Variants in NEMP2 observed in about 807,000 individuals in gnomAD.
NEMP2 encodes the protein UPF0571 transmembrane protein.
Under a neutral mutation model 54.2 loss-of-function variants are expected in NEMP2, and 53 were observed. The observed-to-expected ratio is 0.98, with a 90% confidence interval of 0.78 to 1.23. The LOEUF (loss-of-function observed/expected upper bound fraction) is 1.23. NEMP2 is among the 50% of genes most tolerant of loss of function. NEMP2 has a pLI of 0.00. For synonymous variants in NEMP2, 197 were observed against 190.3 expected, an observed-to-expected ratio of 1.04 and a Z score of -0.29; for missense variants, 455 against 511.3, an observed-to-expected ratio of 0.89 and a Z score of 1.06.
At chr2:190,534,918 CGGCCTCGGCCTT>C (rs940895232), upstream of NEMP2, 12 of 331,612 alleles carry the variant, frequency 3.6e-5, no homozygotes, top group East Asian at 2.7e-4. Context: ...GCCTCGGCCT[CGGCCTCGGCCTT>C]GGCCTCCGGG....
chr2:190,500,150 C>T, downstream of NEMP2: 1 of 1,614,160 alleles, frequency 6.2e-7, no homozygotes, highest in Non-Finnish European at 8.5e-7. This position sits in a 1 kb window ranked among gnomAD's most constrained non-coding sequence, Gnocchi z 5.3. Context: ...CCCCGCTCAC[C>T]CCAGTGTGGA....
the NEMP2 span, among the ~76,000 whole-genome samples, chr2:190,597,242 GA>G: frequency 7.2e-6 from 1 of 139,478 alleles, no homozygotes; most frequent in African/African-American, 2.6e-5. The surrounding 1 kb of genome is among the most constrained non-coding windows in gnomAD (Gnocchi z 4.7). Context: ...GCCAGCCTGG[GA>G]AACAGCAAGA....
the NEMP2 span, among the ~76,000 whole-genome samples, chr2:190,490,419 C>T: frequency 6.6e-6 from 1 of 151,876 alleles, no homozygotes; most frequent in Non-Finnish European, 1.5e-5. The surrounding 1 kb of genome is among the most constrained non-coding windows in gnomAD (Gnocchi z 4.5). Flanking sequence ...AAAAATTAGC[C>T]GGGCACGGTG....
the NEMP2 span, among the ~76,000 whole-genome samples, chr2:190,550,408 C>T: frequency 1.3e-5 from 2 of 152,064 alleles, no homozygotes; most frequent in Non-Finnish European, 2.9e-5. The surrounding 1 kb of genome is among the most constrained non-coding windows in gnomAD (Gnocchi z 4.7). Flanking sequence ...CCTAATCCCC[C>T]GACAAGGCCC....
At chr2:190,431,486 C>G in the NEMP2 span, among the ~76,000 whole-genome samples, 1 of 152,212 alleles carries the variant, frequency 6.6e-6, no homozygotes, top group Non-Finnish European at 1.5e-5. This position sits in a 1 kb window ranked among gnomAD's most constrained non-coding sequence, Gnocchi z 4.4. Context: ...GCGGATCACT[C>G]GCGATTAGGA....
chr2:190,480,307 G>C, the NEMP2 span, among the ~76,000 whole-genome samples: 1 of 152,342 alleles, frequency 6.6e-6, no homozygotes. Flanking sequence ...TCTCCAAAGA[G>C]ATGTACATAT....
At chr2:190,444,062 A>G in the NEMP2 span, among the ~76,000 whole-genome samples, 1 of 152,222 alleles carries the variant, frequency 6.6e-6, no homozygotes, top group Non-Finnish European at 1.5e-5. Context: ...TTCAAAAAAG[A>G]AAAGGAGAAA....
downstream of NEMP2, among the ~76,000 whole-genome samples, chr2:190,499,475 G>A (rs1689909230): frequency 6.6e-6 from 1 of 152,192 alleles, no homozygotes; most frequent in Non-Finnish European, 1.5e-5. This position sits in a 1 kb window ranked among gnomAD's most constrained non-coding sequence, Gnocchi z 6.0. Context: ...TCTTTATGTG[G>A]ATGTTCTGTC....
Position 190,534,561 on chromosome 2 carries a change from G to T in NEMP2, c.95C>A (p.Ser32Ter). 7.1e-7 allele frequency: 1 copy of T among 1,402,410 alleles called. No homozygotes were observed. Among genetic ancestry groups the T allele is most frequent in the Admixed American group, 3.2e-5 (1 of 31,478 alleles). 86.9% of individuals were successfully genotyped at this position (1,402,410 alleles called of 1,614,324 possible). Residue 32 changes from serine to a stop codon, truncating the protein, a stop_gained and splice_region_variant, in exon 1 of 9, where the codon TCA becomes TAA. Transcript: ENST00000409150. LOFTEE classifies it high-confidence loss of function. ...VRGEAAAAAL[S>*]VRRCKALKEK... ...CGCCGCCGCCGGTCCCGGGTTACCT[G>T]ATAACGCTGCCGCCGCCGCCTCCCC...
At chr2:190,566,718 GAA>G in the NEMP2 span, among the ~76,000 whole-genome samples, 1 of 82,652 alleles carries the variant, frequency 1.2e-5, no homozygotes, top group South Asian at 4.8e-4. Context: ...GGGAAGAAAA[GAA>G]AGAAAGAAGG....
chr2:190,478,783 C>T, the NEMP2 span, among the ~76,000 whole-genome samples: 4 of 152,032 alleles, frequency 2.6e-5, no homozygotes, highest in Admixed American at 6.6e-5. Flanking sequence ...TCTGAAAAAT[C>T]AGCACTTCCG....
the NEMP2 span, among the ~76,000 whole-genome samples, chr2:190,581,981 C>T: frequency 8.5e-5 from 13 of 152,234 alleles, no homozygotes; most frequent in South Asian, 1.5e-3. Context: ...GCTGGTAGTG[C>T]GGCATTTACC....
chr2:190,504,093 C>A (rs139425275), downstream of NEMP2, among the ~76,000 whole-genome samples: 6 of 152,110 alleles, frequency 3.9e-5, no homozygotes, highest in African/African-American at 1.4e-4. This position sits in a 1 kb window ranked among gnomAD's most constrained non-coding sequence, Gnocchi z 5.6. Flanking sequence ...TAGGAGTGTG[C>A]GCCCTGGAGT....
chr2:190,547,998 C>A, the NEMP2 span, among the ~76,000 whole-genome samples: 1 of 152,212 alleles, frequency 6.6e-6, no homozygotes, highest in East Asian at 1.9e-4. This position sits in a 1 kb window ranked among gnomAD's most constrained non-coding sequence, Gnocchi z 6.2. Flanking sequence ...CCAGATGGTC[C>A]AGTGTGAGAA....
chr2:190,618,554 C>A, the NEMP2 span, among the ~76,000 whole-genome samples: 3 of 152,276 alleles, frequency 2.0e-5, no homozygotes, highest in African/African-American at 7.2e-5. Flanking sequence ...TATCTTTGGA[C>A]AAAGGAGATA....
At position 190,509,254 on chromosome 2, in the gene NEMP2, C is replaced by T; in HGVS notation, c.1189G>A (p.Glu397Lys). The T allele has an allele frequency of 6.4e-7, 1 of 1,551,756 alleles. No homozygotes were observed. The highest frequency in any genetic ancestry group is 8.7e-7 in the Non-Finnish European group (1 of 1,147,010). Residue 397 changes from glutamate (E) to lysine (K), a missense_variant, in exon 9 of 9, where the codon GAA (glutamate) becomes AAA (lysine). Physicochemically the swap from Glu to Lys is moderately conservative, Grantham distance 56. Coordinates refer to ENST00000409150, the MANE Select transcript of NEMP2 (RefSeq NM_001142645.2). The surrounding 1 kb of genome is among the most constrained non-coding windows in gnomAD (Gnocchi z 6.1). ...GCACCCCCAAGGCCATACTGCTCTT[C>T]ATGCAGACTGATTTCTTCAGGTGAC... ...HLSPEEISLH[E>K]EQYGLGGAFL...
the NEMP2 span, among the ~76,000 whole-genome samples, chr2:190,483,047 G>A: frequency 7.8e-4 from 118 of 150,446 alleles, no homozygotes; most frequent in African/African-American, 2.6e-3. Flanking sequence ...GCCTGCCACC[G>A]CGCCCGGCTA....
the NEMP2 span, among the ~76,000 whole-genome samples, chr2:190,621,837 G>A: frequency 6.6e-6 from 1 of 152,284 alleles, no homozygotes; most frequent in Admixed American, 6.5e-5. Context: ...GGCTGGGCAT[G>A]GTGGCTCATG....
chr2:190,541,192 A>C, the NEMP2 span, among the ~76,000 whole-genome samples: 1 of 151,494 alleles, frequency 6.6e-6, no homozygotes, highest in African/African-American at 2.4e-5. This position sits in a 1 kb window ranked among gnomAD's most constrained non-coding sequence, Gnocchi z 5.2. Flanking sequence ...ATATATATAT[A>C]TATTTGGTCT....
Sources: allele counts gnomAD v4.1 joint callset (sites outside exome capture counted in the v4.1 genomes callset), GRCh38; gene constraint gnomAD v4.1.1; non-coding constraint Gnocchi (gnomAD v3.1); transcripts MANE v1.5; gene names NCBI Gene and HGNC (gene_info 2026-07-23, HGNC 2026-07-21).